The following PHF21B variants were observed in gnomAD, a reference collection of about 807,000 sequenced individuals.
The protein encoded by PHF21B is PHD finger protein 21B.
Under a neutral mutation model 62.2 loss-of-function variants are expected in PHF21B, and 22 were observed. The observed-to-expected ratio is 0.35, with a 90% CI of 0.25 to 0.51. The LOEUF (loss-of-function observed/expected upper bound fraction) is 0.51. Ranked by LOEUF, PHF21B falls within the 20% of genes least tolerant of loss-of-function variation. The probability of loss-of-function intolerance (pLI) is 0.97; values close to 1 mark genes in which losing one functional copy is unlikely to be tolerated. For synonymous variants in PHF21B, 341 were observed against 314.7 expected, an observed-to-expected ratio of 1.08 and a Z score of -0.88; for missense variants, 701 against 707.9, an observed-to-expected ratio of 0.99 and a Z score of 0.11.
At chr22:44,921,117 G>T (rs1276695439) in intron 2 of PHF21B, among the ~76,000 whole-genome samples, 1 of 152,218 alleles carries the variant, frequency 6.6e-6, no homozygotes, top group Non-Finnish European at 1.5e-5. Flanking sequence ...AACGGCCTGG[G>T]TGTGCACCAA....
chr22:44,892,537 C>T (rs958163080), intron 7 of PHF21B, among the ~76,000 whole-genome samples: 4 of 152,226 alleles, frequency 2.6e-5, no homozygotes, highest in Non-Finnish European at 5.9e-5. Context: ...ACAGCACTTT[C>T]CTCACCTTCC....
In PHF21B at chr22:44,893,488, T is replaced by C; in HGVS notation, c.929A>G (p.Asn310Ser). The C allele has an allele frequency of 6.2e-7, 1 of 1,601,658 alleles. No individual in the cohort carries two copies. Among genetic ancestry groups the C allele is most frequent in the Non-Finnish European group, 8.5e-7 (1 of 1,174,586 alleles). The change falls in exon 7 of 13, where the codon AAC becomes AGC. Residue 310 changes from asparagine to serine, a missense_variant. Asn to Ser is a conservative substitution (Grantham distance 46). Coordinates refer to ENST00000313237, the MANE Select transcript of PHF21B (RefSeq NM_138415.5). ...CTCCAGGAGGCCGCTGTAGGCAGGG[T>C]TGGCTGTGCTTCTTCTCTTCCGCTC... ...RQERKRRSTA[N>S]PAYSGLLETE...
intron 2 of PHF21B, among the ~76,000 whole-genome samples, chr22:44,947,162 G>A (rs975768245): frequency 6.6e-6 from 1 of 152,232 alleles, no homozygotes; most frequent in African/African-American, 2.4e-5. Context: ...TGCAGGCTGA[G>A]CTGTCCCAGT....
chr22:44,951,390 A>G (rs1022079955), intron 2 of PHF21B, among the ~76,000 whole-genome samples: 6 of 152,292 alleles, frequency 3.9e-5, no homozygotes, highest in Non-Finnish European at 8.8e-5. Flanking sequence ...AATGCGAGCA[A>G]TGGGGAGCGG....
intron 2 of PHF21B, among the ~76,000 whole-genome samples, chr22:44,998,519 G>A (rs930540393): frequency 3.3e-5 from 5 of 152,254 alleles, no homozygotes; most frequent in African/African-American, 4.8e-5. Context: ...GGGCTTGGCC[G>A]AGGTGCTCCC....
At chr22:44,982,280 G>C (rs2072856904) in intron 2 of PHF21B, among the ~76,000 whole-genome samples, 1 of 152,238 alleles carries the variant, frequency 6.6e-6, no homozygotes. Context: ...CCCAGTATGA[G>C]TACTTTGCAA....
intron 5 of PHF21B, 32 bp downstream of exon 5, chr22:44,913,790 G>A (rs781389211): frequency 6.3e-6 from 10 of 1,596,578 alleles, no homozygotes; most frequent in African/African-American, 1.3e-5. Context: ...AGACTGAGCA[G>A]GGCCTGGGCC....
chr22:44,964,971 T>C (rs967005586), intron 2 of PHF21B, among the ~76,000 whole-genome samples: 5 of 152,136 alleles, frequency 3.3e-5, no homozygotes, highest in Admixed American at 2.0e-4. Flanking sequence ...GATGAGGTGG[T>C]TGGGAAAACA....
At chr22:45,006,986 G>A (rs973890060) in intron 2 of PHF21B, among the ~76,000 whole-genome samples, 2 of 152,006 alleles carry the variant, frequency 1.3e-5, no homozygotes, top group Non-Finnish European at 2.9e-5. Flanking sequence ...AAATGGTAAT[G>A]CAGGGCCTGG....
At chr22:44,889,846 GGAGTCCAT>G in intron 8 of PHF21B, 64 bp from the exon 9 acceptor site, 1 of 1,472,354 alleles carries the variant, frequency 6.8e-7, no homozygotes, top group Non-Finnish European at 9.0e-7. Context: ...GATCAGGACT[GGAGTCCAT>G]GAGGCCTCAT....
intron 5 of PHF21B, among the ~76,000 whole-genome samples, chr22:44,909,396 C>T (rs2071307353): frequency 6.6e-6 from 1 of 152,224 alleles, no homozygotes; most frequent in Admixed American, 6.5e-5. Flanking sequence ...CCTCACAGTG[C>T]ACCTGCAGGT....
chr22:44,913,965 G>C lies in PHF21B; in HGVS notation c.688C>G (p.Gln230Glu), dbSNP rs779021032. The C allele has an allele frequency of 6.2e-7, 1 of 1,612,288 alleles. No individual in the cohort carries two copies. The highest frequency in any genetic ancestry group is 8.5e-7 in the Non-Finnish European group (1 of 1,179,310). Residue 230 changes from glutamine (Q) to glutamate (E), a missense_variant, in exon 5 of 13, where the codon CAG becomes GAG. By Grantham distance (29) the Gln-to-Glu change is conservative. Coordinates refer to ENST00000313237, the MANE Select transcript of PHF21B (RefSeq NM_138415.5). ...LSPSPLHGIF[Q>E]VIIIQPQVQT... ...ACTTGAGGCTGAATGATGATGACCT[G>C]GAAGATGCCATGGAGGGGTGAAGGG...
chr22:45,008,483 C>T (rs1318941454), intron 2 of PHF21B, 62 bp downstream of exon 2: 2 of 1,438,864 alleles, frequency 1.4e-6, no homozygotes, highest in Admixed American at 2.3e-5. Context: ...TTTAGGGCGC[C>T]GCCAAAGTGC....
chr22:44,947,116 G>A (rs1408099873), intron 2 of PHF21B, among the ~76,000 whole-genome samples: 3 of 152,242 alleles, frequency 2.0e-5, no homozygotes, highest in Non-Finnish European at 4.4e-5. Flanking sequence ...CGCACTGCGT[G>A]GGTGGCAGAG....
intron 5 of PHF21B, among the ~76,000 whole-genome samples, chr22:44,897,082 T>G (rs2071074385): frequency 6.6e-6 from 1 of 152,068 alleles, no homozygotes; most frequent in African/African-American, 2.4e-5. Context: ...TTTTGCCATG[T>G]TGCCCAGGCT....
intron 12 of PHF21B, among the ~76,000 whole-genome samples, chr22:44,884,433 A>G (rs374231556): frequency 1.7e-4 from 10 of 57,424 alleles, no homozygotes; most frequent in South Asian, 5.0e-4. Flanking sequence ...GATCACCATT[A>G]TCACCACCAC....
At chr22:44,899,685 G>C (rs2071124149) in intron 5 of PHF21B, among the ~76,000 whole-genome samples, 1 of 149,492 alleles carries the variant, frequency 6.7e-6, no homozygotes, top group South Asian at 2.1e-4. Flanking sequence ...CTGTCTTAAG[G>C]GGTTTTAAAT....
In PHF21B at chr22:44,916,645, C is replaced by T. The variant is rs758931173; in HGVS notation, c.214-15G>A. ...TTTGGCCTAACCTGGGAAGAAGGGA[C>T]AGGTATGTGGTCAGACAGGCAGACA... On this transcript the variant is annotated splice_polypyrimidine_tract_variant and intron_variant, in intron 3 of 12. Coordinates refer to ENST00000313237, the MANE Select transcript of PHF21B (RefSeq NM_138415.5). The T allele has an allele frequency of 6.3e-7, 1 of 1,598,276 alleles. No individual in the cohort carries two copies. Among genetic ancestry groups the T allele is most frequent in the African/African-American group, 1.3e-5 (1 of 75,010 alleles).
intron 2 of PHF21B, chr22:44,969,204 C>T (rs1485370998): frequency 6.6e-6 from 1 of 152,246 alleles, no homozygotes; most frequent in Non-Finnish European, 1.5e-5. Flanking sequence ...TGCAGGAGCT[C>T]CCTAAAAGGA....
Sources: gnomAD v4.1 joint callset for allele counts (sites outside exome capture counted in the v4.1 genomes callset) on GRCh38, gnomAD v4.1.1 for gene constraint, MANE v1.5 for transcripts, NCBI Gene and HGNC (gene_info 2026-07-23, HGNC 2026-07-21) for gene names.